Variants in KDF1 observed in about 807,000 individuals in gnomAD.
KDF1 encodes the protein RP11-344H11.3.
KDF1 carries 11 observed loss-of-function variants against 31.6 expected under a neutral mutation model. That is an observed-to-expected ratio of 0.35 (90% CI 0.22 to 0.58). The LOEUF is 0.58. Ranked by LOEUF, KDF1 falls within the 20% of genes least tolerant of loss-of-function variation. The pLI, the probability that KDF1 is intolerant of heterozygous loss-of-function variation, is 0.83. For synonymous variants in KDF1, 205 were observed against 214.4 expected, an observed-to-expected ratio of 0.96 and a Z score of 0.38; for missense variants, 476 against 549.1, an observed-to-expected ratio of 0.87 and a Z score of 1.33.
At position 26,950,082 on chromosome 1, in the gene KDF1, T is replaced by C; in HGVS notation, c.1184A>G (p.Gln395Arg). 1 of 1,613,808 alleles carries C rather than the reference T, an allele frequency of 6.2e-7. No homozygotes were observed. The highest frequency in any genetic ancestry group is 8.5e-7 in the Non-Finnish European group (1 of 1,179,762). The stretch of plus-strand genomic sequence containing the variant: ...GCCTGGCAGGGGTTAGCAGTACACC[T>C]GGAGCAAGGGTGCCCCCGACGAGTC... Reference protein sequence around the residue: ...DTDSSGAPLLQVYC With the variant: ...DTDSSGAPLLRVYC Residue 395 changes from glutamine to arginine, a missense_variant, in exon 4 of 4, where the codon CAG (glutamine) becomes CGG (arginine). Coordinates refer to ENST00000320567, the MANE Select transcript of KDF1 (RefSeq NM_152365.3). The surrounding 1 kb of genome is among the most constrained non-coding windows in gnomAD (Gnocchi z 4.0).
intron 1 of KDF1, among the ~76,000 whole-genome samples, chr1:26,954,982 G>A (rs867600308): frequency 9.3e-5 from 14 of 150,816 alleles, no homozygotes; most frequent in Admixed American, 5.3e-4. Context: ...CCTCAGCCTC[G>A]GAGTAGCTGG....
chr1:26,950,057 G>T lies in KDF1; in HGVS notation c.*12C>A. 1 of 1,610,906 alleles carries T rather than the reference G, an allele frequency of 6.2e-7. No homozygotes were observed. The highest frequency in any genetic ancestry group is 8.5e-7 in the Non-Finnish European group (1 of 1,177,256). On this transcript the variant is annotated 3_prime_UTR_variant, in exon 4 of 4. Coordinates refer to ENST00000320567, the MANE Select transcript of KDF1 (RefSeq NM_152365.3). This position sits in a 1 kb window ranked among gnomAD's most constrained non-coding sequence, Gnocchi z 4.0. ...CTCCCAGAAAGGGTGTGGCAGCTGG[G>T]CCTGGCAGGGGTTAGCAGTACACCT... is the stretch of plus-strand genomic sequence containing the variant.
In KDF1 at chr1:26,952,236, C is replaced by T; in HGVS notation, c.145G>A (p.Asp49Asn). Residue 49 changes from aspartate (D) to asparagine (N), a missense_variant, in exon 2 of 4, where the codon GAC becomes AAC. By Grantham distance (23) the Asp-to-Asn change is conservative (BLOSUM62 1). Transcript: ENST00000320567. The surrounding 1 kb of genome is among the most constrained non-coding windows in gnomAD (Gnocchi z 4.1). The stretch of plus-strand genomic sequence containing the variant: ...CTCTCTGGCCCATGGTGGCCAGGGT[C>T]CTTGGGGTCTGGTCTACGGGTGCGG... ...SRRTRRPDPK[D>N]PGHHGPESIT... 1 of 1,604,940 alleles carries T rather than the reference C, an allele frequency of 6.2e-7. No homozygotes were observed. The highest frequency in any genetic ancestry group is 8.5e-7 in the Non-Finnish European group (1 of 1,174,242).
At position 26,951,786 on chromosome 1, in the gene KDF1, G is replaced by T. The variant is rs754712166; in HGVS notation, c.595C>A (p.Arg199=). 1 of 1,613,968 alleles carries T rather than the reference G, an allele frequency of 6.2e-7. No individual in the cohort carries two copies. Among genetic ancestry groups the T allele is most frequent in the East Asian group, 2.2e-5 (1 of 44,898 alleles). The change falls in exon 2 of 4, where the codon CGA becomes AGA. Residue 199 remains arginine, a synonymous_variant. Transcript: ENST00000320567. The surrounding 1 kb of genome is among the most constrained non-coding windows in gnomAD (Gnocchi z 5.4). ...KEPLADPPPM[R]HSLPSTFASS... ...GCAAAGGTGCTGGGCAGGCTGTGTC[G>T]CATGGGTGGGGGATCGGCCAGTGGC...
At chr1:26,959,201 C>G (rs1484476223) in intron 1 of KDF1, among the ~76,000 whole-genome samples, 1 of 152,160 alleles carries the variant, frequency 6.6e-6, no homozygotes, top group Non-Finnish European at 1.5e-5. Flanking sequence ...ACATCTCCAG[C>G]GGTGGTGGGA....
Position 26,951,894 on chromosome 1 carries a change from C to G in KDF1, c.487G>C (p.Asp163His). The change falls in exon 2 of 4, where the codon GAT (aspartate) becomes CAT (histidine). Residue 163 changes from aspartate (D) to histidine (H), a missense_variant. Physicochemically the swap from Asp to His is moderately conservative, Grantham distance 81. Around this residue, in one of 2 missense-constraint regions of KDF1, gnomAD observed 330 missense variants for 332.3 expected, o/e 0.99. Transcript: ENST00000320567. This position sits in a 1 kb window ranked among gnomAD's most constrained non-coding sequence, Gnocchi z 5.4. Reference protein sequence around the residue: ...STMGSSFSYPDVKLKGIPVYP... With the variant: ...STMGSSFSYPHVKLKGIPVYP... The stretch of plus-strand genomic sequence containing the variant: ...ACAGGGATGCCTTTGAGCTTAACAT[C>G]GGGGTAGCTGAAGCTGCTGCCCATG... 6.2e-7 allele frequency: 1 copy of G among 1,609,514 alleles called. No homozygotes were observed. Among genetic ancestry groups the G allele is most frequent in the Non-Finnish European group, 8.5e-7 (1 of 1,176,988 alleles).
intron 1 of KDF1, among the ~76,000 whole-genome samples, chr1:26,954,259 C>T (rs551078607): frequency 4.4e-4 from 66 of 150,430 alleles, no homozygotes; most frequent in African/African-American, 1.5e-3. Context: ...AGTCTCACTC[C>T]GTTACTGAGG....
In KDF1 at chr1:26,950,297, T is replaced by C; in HGVS notation, c.1115-146A>G. 1.4e-6 allele frequency: 1 copy of C among 707,810 alleles called. No homozygotes were observed. Among genetic ancestry groups the C allele is most frequent in the Non-Finnish European group, 2.5e-6 (1 of 403,140 alleles). The allele number at this position is 707,810 out of a possible 1,614,324, so 43.8% of individuals were successfully genotyped here. A position where few individuals can be genotyped will look rare whatever the true frequency, so the allele number is the denominator to read the frequency against. On this transcript the variant is annotated intron_variant, in intron 3 of 3. Transcript: ENST00000320567. This position sits in a 1 kb window ranked among gnomAD's most constrained non-coding sequence, Gnocchi z 4.0. Reference sequence around the variant, plus strand: ...ATCCTGGCTGGATGACCCACTCAGTTTATTGACCTCTCTGAGCCCTAGCCT... The same window carrying C: ...ATCCTGGCTGGATGACCCACTCAGTCTATTGACCTCTCTGAGCCCTAGCCT...
chr1:26,952,739 G>A lies in KDF1; in HGVS notation c.-32-327C>T, dbSNP rs535765359. Among the ~76,000 whole-genome samples, 78 of 152,264 alleles carry A rather than the reference G, an allele frequency of 5.1e-4. No individual in the cohort carries two copies. Among genetic ancestry groups the A allele is most frequent in the African/African-American group, 1.9e-3 (77 of 41,554 alleles). ...CTCACGCCTGTAATCCCAGCACTTT[G>A]GGAGGCCGAGGCAGGCAGATCACCT... On this transcript the variant is annotated intron_variant, in intron 1 of 3. Coordinates refer to ENST00000320567, the MANE Select transcript of KDF1 (RefSeq NM_152365.3). The surrounding 1 kb of genome is among the most constrained non-coding windows in gnomAD (Gnocchi z 4.1).
intron 1 of KDF1, among the ~76,000 whole-genome samples, chr1:26,959,791 C>T (rs1281945599): frequency 6.6e-6 from 1 of 152,150 alleles, no homozygotes; most frequent in South Asian, 2.1e-4. Flanking sequence ...GGACACCCGG[C>T]CGGGGAGGAC....
Position 26,950,026 on chromosome 1 carries a change from A to G in KDF1, c.*43T>C, listed in dbSNP as rs1447472261. The G allele has an allele frequency of 1.3e-6, 2 of 1,569,754 alleles. No individual in the cohort carries two copies. The highest frequency in any genetic ancestry group is 2.2e-5 in the East Asian group (1 of 44,600). On this transcript the variant is annotated 3_prime_UTR_variant, in exon 4 of 4. Coordinates refer to ENST00000320567, the MANE Select transcript of KDF1 (RefSeq NM_152365.3). This position sits in a 1 kb window ranked among gnomAD's most constrained non-coding sequence, Gnocchi z 4.0. ...GGTCCCCCTCTTCATTCTGTAGGCC[A>G]TGCTTCTCCCAGAAAGGGTGTGGCA...
chr1:26,959,904 T>A (rs2082393655), intron 1 of KDF1, among the ~76,000 whole-genome samples: 2 of 152,176 alleles, frequency 1.3e-5, no homozygotes, highest in African/African-American at 4.8e-5. Flanking sequence ...CAGCTAGTCC[T>A]GGGGACAAGG....
rs2082358546 is a variant in KDF1 at position 26,952,714 on chromosome 1, C to T, written c.-32-302G>A. ...GTTGAACATTGGCCGGGCGTGGTGGCTCACGCCTGTAATCCCAGCACTTTG... is the reference window on the plus strand; with the variant it reads ...GTTGAACATTGGCCGGGCGTGGTGGTTCACGCCTGTAATCCCAGCACTTTG... On this transcript the variant is annotated intron_variant, in intron 1 of 3. Transcript: ENST00000320567. The surrounding 1 kb of genome is among the most constrained non-coding windows in gnomAD (Gnocchi z 4.1). Among the ~76,000 whole-genome samples the T allele has an allele frequency of 6.6e-6, 1 of 152,184 alleles. No homozygotes were observed. The highest frequency in any genetic ancestry group is 1.5e-5 in the Non-Finnish European group (1 of 68,018).
rs1387693335 is a variant in KDF1 at position 26,952,007 on chromosome 1, G to C, written c.374C>G (p.Ala125Gly). The C allele has an allele frequency of 6.2e-7, 1 of 1,612,890 alleles. No individual in the cohort carries two copies. Among genetic ancestry groups the C allele is most frequent in the Admixed American group, 1.7e-5 (1 of 59,978 alleles). Residue 125 changes from alanine to glycine, a missense_variant, in exon 2 of 4, where the codon GCC becomes GGC. Transcript: ENST00000320567. The surrounding 1 kb of genome is among the most constrained non-coding windows in gnomAD (Gnocchi z 4.1). Reference sequence around the variant, plus strand: ...TCCATTGTGCTCCTTGGCCCAGTTGGCTTCAGCAGTCCCCTCAGTGGAGTC... The same window carrying C: ...TCCATTGTGCTCCTTGGCCCAGTTGCCTTCAGCAGTCCCCTCAGTGGAGTC... ...TEDSTEGTAE[A>G]NWAKEHNGVP...
Position 26,952,538 on chromosome 1 carries a change from C to T in KDF1, c.-32-126G>A, listed in dbSNP as rs2082357557. On this transcript the variant is annotated intron_variant, in intron 1 of 3. Transcript: ENST00000320567. The surrounding 1 kb of genome is among the most constrained non-coding windows in gnomAD (Gnocchi z 4.1). The stretch of plus-strand genomic sequence containing the variant: ...GGATGTGGATGGACCCAAGTATGCC[C>T]AAAAACCCTTGCCTGGGATGTGGAT... The T allele has an allele frequency of 4.6e-6, 3 of 647,284 alleles. No homozygotes were observed. The Admixed American group carries it at 1.1e-4, about 23-fold the overall frequency. 40.1% of individuals were successfully genotyped at this position (647,284 alleles called of 1,614,324 possible). A position where few individuals can be genotyped will look rare whatever the true frequency, so the allele number is the denominator to read the frequency against.
chr1:26,952,373 C>T lies in KDF1; in HGVS notation c.8G>A (p.Arg3His), dbSNP rs200247502. 132 of 1,503,358 alleles carry T rather than the reference C, an allele frequency of 8.8e-5. No individual in the cohort carries two copies. The highest frequency in any genetic ancestry group is 1.9e-4 in the Middle Eastern group (1 of 5,378). 93.1% of individuals were successfully genotyped at this position (1,503,358 alleles called of 1,614,324 possible). Residue 3 changes from arginine (R) to histidine (H), a missense_variant, in exon 2 of 4, where the codon CGC becomes CAC. Transcript: ENST00000320567. This position sits in a 1 kb window ranked among gnomAD's most constrained non-coding sequence, Gnocchi z 4.1. MP[R>H]PGHPRPASGP... ...AGATGCTGGGCGGGGGTGTCCAGGG[C>T]GGGGCATGGCTCATTGCATGGTTTG...
chr1:26,950,587 CTCA>C lies in KDF1; in HGVS notation c.1114+92_1114+94del. On this transcript the variant is annotated intron_variant, in intron 3 of 3. Coordinates refer to ENST00000320567, the MANE Select transcript of KDF1 (RefSeq NM_152365.3). This position sits in a 1 kb window ranked among gnomAD's most constrained non-coding sequence, Gnocchi z 4.0. ...GTCCCCGTCCCTTTTTGATGTCATCCTCATCACCCCAAAAGAAAGCTGGGAGAG... is the reference window on the plus strand; with the variant it reads ...GTCCCCGTCCCTTTTTGATGTCATCCTCACCCCAAAAGAAAGCTGGGAGAG... 1 of 1,032,840 alleles carries C rather than the reference CTCA, an allele frequency of 9.7e-7. No homozygotes were observed. The allele number at this position is 1,032,840 out of a possible 1,614,324, so 64.0% of individuals were successfully genotyped here. A position where few individuals can be genotyped will look rare whatever the true frequency, so the allele number is the denominator to read the frequency against.
intron 1 of KDF1, among the ~76,000 whole-genome samples, chr1:26,958,826 G>C (rs1337690314): frequency 6.6e-6 from 1 of 152,206 alleles, no homozygotes; most frequent in Non-Finnish European, 1.5e-5. Context: ...AGAGTGGACA[G>C]ATCTACAGTT....
chr1:26,950,239 G>C lies in KDF1; in HGVS notation c.1115-88C>G, dbSNP rs1332356333. The C allele has an allele frequency of 3.2e-6, 4 of 1,247,830 alleles. No individual in the cohort carries two copies. The African/African-American group carries it at 5.9e-5, about 18-fold the overall frequency. 77.3% of individuals were successfully genotyped at this position (1,247,830 alleles called of 1,614,324 possible). A position where few individuals can be genotyped will look rare whatever the true frequency, so the allele number is the denominator to read the frequency against. ...GACCAGGGAGAAGCCTGCTGAGAAG[G>C]AGCAGAGTGGGACTTGAGCCTGGGT... On this transcript the variant is annotated intron_variant, in intron 3 of 3. Transcript: ENST00000320567. The surrounding 1 kb of genome is among the most constrained non-coding windows in gnomAD (Gnocchi z 4.0).
Sources: allele counts gnomAD v4.1 joint callset (sites outside exome capture counted in the v4.1 genomes callset), GRCh38; gene constraint gnomAD v4.1.1; regional missense constraint gnomAD v4.1.1; non-coding constraint Gnocchi (gnomAD v3.1); transcripts MANE v1.5; gene names NCBI Gene and HGNC (gene_info 2026-07-23, HGNC 2026-07-21).